The following PTPRG variants were observed in gnomAD, a reference collection of about 807,000 sequenced individuals.
PTPRG encodes the protein protein tyrosine phosphatase receptor type G.
PTPRG carries 102 observed loss-of-function variants against 165.3 expected under a neutral mutation model. The ratio of observed to expected loss-of-function variants is 0.62; its 90% CI spans 0.53 to 0.73. The LOEUF is 0.73. Among genes scored for constraint, PTPRG ranks in the 30% least tolerant of loss-of-function variants. The pLI is 0.00. For missense variants in PTPRG, 1,866 were observed against 1,861.4 expected, an observed-to-expected ratio of 1.00 and a Z score of -0.05; for synonymous variants, 675 against 669.5, an observed-to-expected ratio of 1.01 and a Z score of -0.13.
intron 2 of PTPRG, among the ~76,000 whole-genome samples, chr3:61,914,912 T>C (rs2038896545): frequency 1.3e-5 from 2 of 152,218 alleles, no homozygotes; most frequent in Non-Finnish European, 2.9e-5. Flanking sequence ...TTTGAGTCTT[T>C]TTAAAGCATA....
At chr3:61,694,798 G>A (rs1416290037) in intron 1 of PTPRG, among the ~76,000 whole-genome samples, 1 of 152,180 alleles carries the variant, frequency 6.6e-6, no homozygotes, top group Non-Finnish European at 1.5e-5. Context: ...GAGGCTATGT[G>A]CAGAATTTGT....
chr3:61,592,196 A>ACCTCAGGTGATCCGCCTG (rs1700585784), intron 1 of PTPRG, among the ~76,000 whole-genome samples: 1 of 151,896 alleles, frequency 6.6e-6, no homozygotes. Context: ...CGAACTCCCA[A>ACCTCAGGTGATCCGCCTG]CCTCAGGTGA....
intron 5 of PTPRG, among the ~76,000 whole-genome samples, chr3:62,092,697 C>T (rs915640221): frequency 3.0e-4 from 46 of 152,156 alleles, no homozygotes; most frequent in African/African-American, 1.0e-3. Flanking sequence ...AATAAGAGAC[C>T]TACCTTGGAG....
chr3:62,013,841 A>G (rs2041482373), intron 4 of PTPRG, among the ~76,000 whole-genome samples: 1 of 150,142 alleles, frequency 6.7e-6, no homozygotes, highest in South Asian at 2.1e-4. Context: ...TTTTTGCAAC[A>G]TTTGTTCCTG....
chr3:62,108,313 T>G (rs1238493510), intron 5 of PTPRG, among the ~76,000 whole-genome samples: 1 of 152,136 alleles, frequency 6.6e-6, no homozygotes, highest in Non-Finnish European at 1.5e-5. Context: ...TCTGTCCTTG[T>G]GATAGTTTGC....
chr3:61,800,489 G>A (rs1460463898), intron 2 of PTPRG, among the ~76,000 whole-genome samples: 3 of 151,990 alleles, frequency 2.0e-5, no homozygotes, highest in South Asian at 2.1e-4. Flanking sequence ...TCTTGATGGC[G>A]TCCAAGTTAC....
intron 2 of PTPRG, among the ~76,000 whole-genome samples, chr3:61,849,326 A>G (rs897931102): frequency 3.3e-5 from 5 of 152,214 alleles, no homozygotes; most frequent in Non-Finnish European, 7.3e-5. Context: ...TCTTACCTGA[A>G]TAGATTATGG....
intron 2 of PTPRG, among the ~76,000 whole-genome samples, chr3:61,765,803 C>A (rs1456947485): frequency 6.6e-6 from 1 of 152,142 alleles, no homozygotes; most frequent in Non-Finnish European, 1.5e-5. Flanking sequence ...GCAAAGCTAC[C>A]TTGTGATGGG....
intron 2 of PTPRG, chr3:61,770,319 C>T (rs980329624): frequency 6.6e-6 from 1 of 152,106 alleles, no homozygotes; most frequent in Non-Finnish European, 1.5e-5. Flanking sequence ...ACACTGGCTA[C>T]CTTAACAGGA....
Position 62,281,505 on chromosome 3 carries a change from A to G in PTPRG, c.3766-58A>G, listed in dbSNP as rs532778819. ...AAATGACAAAATCCGTATGCAAGAAATAGAAAACAAATCCTTGACAGAACT... is the reference window on the plus strand; with the variant it reads ...AAATGACAAAATCCGTATGCAAGAAGTAGAAAACAAATCCTTGACAGAACT... On this transcript the variant is annotated intron_variant, in intron 26 of 29. Coordinates refer to ENST00000474889, the MANE Select transcript of PTPRG (RefSeq NM_002841.4). 7.9e-6 allele frequency: 11 copies of G among 1,399,132 alleles called. No individual in the cohort carries two copies. In the African/African-American group the frequency reaches 1.7e-4, roughly 22 times the overall value. 86.7% of individuals were successfully genotyped at this position (1,399,132 alleles called of 1,614,324 possible). A position where few individuals can be genotyped will look rare whatever the true frequency, so the allele number is the denominator to read the frequency against.
At chr3:61,734,868 G>A (rs1339285111) in intron 1 of PTPRG, among the ~76,000 whole-genome samples, 2 of 152,128 alleles carry the variant, frequency 1.3e-5, no homozygotes, top group African/African-American at 4.8e-5. Context: ...TTGAGAGGGG[G>A]GGAATAATAC....
chr3:62,037,953 T>A (rs1198069552), intron 4 of PTPRG, among the ~76,000 whole-genome samples: 1 of 152,160 alleles, frequency 6.6e-6, no homozygotes, highest in African/African-American at 2.4e-5. Flanking sequence ...AAGTAGGGCT[T>A]CAATCTACGA....
chr3:61,888,996 A>C (rs546780875), intron 2 of PTPRG, among the ~76,000 whole-genome samples: 7 of 152,338 alleles, frequency 4.6e-5, no homozygotes, highest in Admixed American at 1.3e-4. Flanking sequence ...TGTTTTTCTC[A>C]GTGCATATCA....
rs561375524 is a variant in PTPRG at position 62,229,678 on chromosome 3, T to C, written c.2289-1547T>C. Reference sequence around the variant, plus strand: ...GGATTTCTCAGAATTAACTGTCTTCTCCCCCCGGGGTTAATTATGTCTGTT... The same window carrying C: ...GGATTTCTCAGAATTAACTGTCTTCCCCCCCCGGGGTTAATTATGTCTGTT... On this transcript the variant is annotated intron_variant, in intron 13 of 29. Coordinates refer to ENST00000474889, the MANE Select transcript of PTPRG (RefSeq NM_002841.4). The surrounding 1 kb of genome is among the most constrained non-coding windows in gnomAD (Gnocchi z 4.6). Among the ~76,000 whole-genome samples the C allele has an allele frequency of 3.9e-3, 596 of 152,296 alleles. 7 individuals carry two copies. Among genetic ancestry groups the C allele is most frequent in the African/African-American group, 0.014 (577 of 41,566 alleles).
intron 2 of PTPRG, among the ~76,000 whole-genome samples, chr3:61,756,366 A>C (rs1233258757): frequency 6.6e-6 from 1 of 152,182 alleles, no homozygotes; most frequent in Non-Finnish European, 1.5e-5. Flanking sequence ...TTTATAGTTC[A>C]TGTGTGGTTC....
chr3:62,140,851 CA>C (rs58630476), intron 6 of PTPRG, among the ~76,000 whole-genome samples: 10,264 of 71,094 alleles, frequency 0.14, 170 homozygotes, highest in African/African-American at 0.2. Context: ...GACTCGGTCT[CA>C]AAAAAAAAAA....
chr3:61,845,303 G>A (rs527654257), intron 2 of PTPRG, among the ~76,000 whole-genome samples: 1 of 152,324 alleles, frequency 6.6e-6, no homozygotes, highest in East Asian at 1.9e-4. Context: ...TGGTTACCGT[G>A]TTGAAATTTA....
At chr3:61,848,062 G>A (rs1445012472) in intron 2 of PTPRG, among the ~76,000 whole-genome samples, 1 of 152,216 alleles carries the variant, frequency 6.6e-6, no homozygotes, top group Non-Finnish European at 1.5e-5. Context: ...TCTAGTTGAT[G>A]AGTGTTAGGG....
chr3:61,731,070 G>A lies in PTPRG; in HGVS notation c.86-17808G>A, dbSNP rs116517574. On this transcript the variant is annotated intron_variant, in intron 1 of 29. Coordinates refer to ENST00000474889, the MANE Select transcript of PTPRG (RefSeq NM_002841.4). ...ATTCAATGCCAAGCCAAGGTGTTAG[G>A]CTTCCTGATGGATTTATGAGCCTCA... Among the ~76,000 whole-genome samples the A allele has an allele frequency of 7.4e-4, 112 of 152,170 alleles. 1 individual carries two copies. Among genetic ancestry groups the A allele is most frequent in the African/African-American group, 2.6e-3 (110 of 41,516 alleles).
Sources: gnomAD v4.1 joint callset for allele counts (sites outside exome capture counted in the v4.1 genomes callset) on GRCh38, gnomAD v4.1.1 for gene constraint, Gnocchi (gnomAD v3.1) non-coding constraint, MANE v1.5 for transcripts, NCBI Gene and HGNC (gene_info 2026-07-23, HGNC 2026-07-21) for gene names.